DLGAP2: variants seen among roughly 807,000 people sequenced by gnomAD.
DLGAP2 encodes disks large-associated protein 2.
DLGAP2 carries 26 observed loss-of-function variants against 100.3 expected under a neutral mutation model. The observed-to-expected ratio is 0.26, with a 90% CI of 0.19 to 0.36. The LOEUF is 0.36. Ranked by LOEUF, DLGAP2 falls within the 10% of genes least tolerant of loss-of-function variation. The probability of loss-of-function intolerance (pLI) is 1.00; values close to 1 mark genes in which losing one functional copy is unlikely to be tolerated. For synonymous variants in DLGAP2, 886 were observed against 630.1 expected, an observed-to-expected ratio of 1.41 and a Z score of -6.08; for missense variants, 1,858 against 1,453.2, an observed-to-expected ratio of 1.28 and a Z score of -4.53.
At chr8:1,679,654 G>A (rs576942900) in intron 12 of DLGAP2, among the ~76,000 whole-genome samples, 115 of 152,258 alleles carry the variant, frequency 7.6e-4, no homozygotes, top group African/African-American at 1.5e-3. Context: ...CTTATTCTCC[G>A]CCTTTCTCCC....
At chr8:1,418,095 C>T (rs1049478906) in intron 3 of DLGAP2, among the ~76,000 whole-genome samples, 1 of 152,194 alleles carries the variant, frequency 6.6e-6, no homozygotes, top group African/African-American at 2.4e-5. Context: ...AATGTAACTC[C>T]TGTCCCTCCA....
chr8:813,869 G>C lies in DLGAP2; in HGVS notation c.18+76044G>C, dbSNP rs569291774. ...ACCTGCCTCTCAATGTTCTTCTGCC[G>C]AATGTTCTGGGGCCCCAGAAGCAGG... On this transcript the variant is annotated intron_variant, in intron 1 of 14. Coordinates refer to ENST00000637795, the MANE Select transcript of DLGAP2 (RefSeq NM_001346810.2). Among the ~76,000 whole-genome samples the C allele has an allele frequency of 2.0e-5, 3 of 152,216 alleles. No homozygotes were observed. In the East Asian group the frequency reaches 5.8e-4, roughly 29 times the overall value.
intron 3 of DLGAP2, among the ~76,000 whole-genome samples, chr8:1,445,380 G>A (rs1207081105): frequency 3.6e-4 from 54 of 151,232 alleles, no homozygotes; most frequent in Non-Finnish European, 7.4e-5. Context: ...GAGAATGGTG[G>A]TTTCCAGTTT....
At chr8:1,452,253 A>G (rs1391172718) in intron 3 of DLGAP2, among the ~76,000 whole-genome samples, 2 of 151,876 alleles carry the variant, frequency 1.3e-5, no homozygotes, top group African/African-American at 2.4e-5. Flanking sequence ...TTCTGTGGCC[A>G]TGTGTTCTGT....
intron 2 of DLGAP2, among the ~76,000 whole-genome samples, chr8:1,253,708 G>A (rs1000552313): frequency 6.6e-6 from 1 of 152,306 alleles, no homozygotes; most frequent in Non-Finnish European, 1.5e-5. Context: ...TTCTCCATCT[G>A]TGTCAATTAG....
At chr8:759,618 C>G (rs1285639082) in intron 1 of DLGAP2, among the ~76,000 whole-genome samples, 2 of 151,868 alleles carry the variant, frequency 1.3e-5, no homozygotes, top group East Asian at 3.9e-4. Flanking sequence ...GTTCCCGGGA[C>G]TGGGACGGGT....
At chr8:1,524,958 T>A (rs1800742264) in intron 4 of DLGAP2, among the ~76,000 whole-genome samples, 1 of 152,200 alleles carries the variant, frequency 6.6e-6, no homozygotes, top group Non-Finnish European at 1.5e-5. Flanking sequence ...TCTTGACTTC[T>A]TGGTGGTTTT....
chr8:1,060,402 G>T (rs55913329), intron 2 of DLGAP2, among the ~76,000 whole-genome samples: 8,012 of 63,784 alleles, frequency 0.13, 681 homozygotes, highest in African/African-American at 0.36. Flanking sequence ...CCCTGAGGGC[G>T]TTGGTCCCTC....
chr8:1,350,160 C>T (rs1227479004), intron 3 of DLGAP2, among the ~76,000 whole-genome samples: 3 of 151,854 alleles, frequency 2.0e-5, no homozygotes, highest in Non-Finnish European at 4.4e-5. Flanking sequence ...CCGACTACTT[C>T]ATGCTCTTGT....
chr8:1,682,621 C>T lies in DLGAP2; in HGVS notation c.2704+3992C>T, dbSNP rs567516620. ...TCCCAAGTAGCTGGGACTACAGACA[C>T]GCACCACAGCACCTGGCTAATTTTG... On this transcript the variant is annotated intron_variant, in intron 12 of 14. Transcript: ENST00000637795. Among the ~76,000 whole-genome samples, 17 of 146,462 alleles carry T rather than the reference C, an allele frequency of 1.2e-4. 1 individual carries two copies. The highest frequency in any genetic ancestry group is 2.1e-4 in the South Asian group (1 of 4,744).
intron 3 of DLGAP2, among the ~76,000 whole-genome samples, chr8:1,366,768 C>T (rs1285428527): frequency 6.6e-6 from 1 of 152,166 alleles, no homozygotes; most frequent in Admixed American, 6.5e-5. Context: ...GACCTTCTGT[C>T]TCGGGTCCCC....
chr8:1,083,819 A>G (rs746901401), intron 2 of DLGAP2, among the ~76,000 whole-genome samples: 19 of 152,216 alleles, frequency 1.2e-4, no homozygotes, highest in Non-Finnish European at 2.6e-4. Flanking sequence ...ATGAAAAAAG[A>G]GTCTTATTTT....
chr8:1,490,381 G>T (rs1799345545), intron 3 of DLGAP2, among the ~76,000 whole-genome samples: 1 of 152,224 alleles, frequency 6.6e-6, no homozygotes, highest in Non-Finnish European at 1.5e-5. Flanking sequence ...ATCAGGTGCA[G>T]AAAATTCAGA....
At position 1,194,379 on chromosome 8, in the gene DLGAP2, C is replaced by T. The variant is rs531024195; in HGVS notation, c.74-64472C>T. On this transcript the variant is annotated intron_variant, in intron 2 of 14. Transcript: ENST00000637795. ...AGTCAGTGGTCGGTTGGCGGCCGGC[C>T]CACATAAGGGCACCATGCTCACCGT... Among the ~76,000 whole-genome samples, 389 of 152,192 alleles carry T rather than the reference C, an allele frequency of 2.6e-3. 9 individuals are homozygous for T. In the South Asian group the frequency reaches 0.039, roughly 15 times the overall value.
At chr8:1,656,112 T>C (rs1166135964) in intron 8 of DLGAP2, among the ~76,000 whole-genome samples, 1 of 152,058 alleles carries the variant, frequency 6.6e-6, no homozygotes, top group Non-Finnish European at 1.5e-5. Context: ...TCACCTGAGG[T>C]TGGGAGTTTG....
intron 3 of DLGAP2, among the ~76,000 whole-genome samples, chr8:1,420,985 C>T (rs1797073465): frequency 6.6e-6 from 1 of 152,118 alleles, no homozygotes; most frequent in Admixed American, 6.5e-5. Flanking sequence ...AGAGCGGGGT[C>T]CTCTCTCATG....
chr8:1,289,090 C>G (rs1344283380), intron 3 of DLGAP2, among the ~76,000 whole-genome samples: 1 of 152,172 alleles, frequency 6.6e-6, no homozygotes, highest in Non-Finnish European at 1.5e-5. Flanking sequence ...ACTGGCAATG[C>G]TGATGTACTC....
Position 1,417,686 on chromosome 8 carries a change from C to CGCGGGG in DLGAP2, c.107-83680_107-83679insGCGGGG, listed in dbSNP as rs1796956565. ...CTCACTCCGCGAGGCTCCAGGGGGG[C>CGCGGGG]ACAGGGGGCCCCACTCCTGCCTCAC... On this transcript the variant is annotated intron_variant, in intron 3 of 14. Transcript: ENST00000637795. 1.4e-5 allele frequency among the ~76,000 whole-genome samples: 2 copies of CGCGGGG among 142,650 alleles called. 1 individual carries two copies. The highest frequency in any genetic ancestry group is 3.1e-5 in the Non-Finnish European group (2 of 65,204). The allele number at this position is 142,650 out of a possible 152,430, so 93.6% of individuals were successfully genotyped here.
intron 1 of DLGAP2, among the ~76,000 whole-genome samples, chr8:805,546 T>C (rs1388524523): frequency 6.6e-6 from 1 of 152,176 alleles, no homozygotes; most frequent in African/African-American, 2.4e-5. Flanking sequence ...TGCCCTTGTG[T>C]CAGTTGTTTT....
Sources: gnomAD v4.1 joint callset for allele counts (sites outside exome capture counted in the v4.1 genomes callset) on GRCh38, gnomAD v4.1.1 for gene constraint, MANE v1.5 for transcripts, NCBI Gene and HGNC (gene_info 2026-07-23, HGNC 2026-07-21) for gene names.